Variants in ARL13B observed in about 807,000 individuals in gnomAD.
ARL13B encodes ARF like GTPase 13B, also known as ADP-ribosylation factor-like protein 13B.
Under a neutral mutation model 56.1 loss-of-function variants are expected in ARL13B, and 36 were observed. The ratio of observed to expected loss-of-function variants is 0.64; its 90% CI spans 0.49 to 0.85. The LOEUF is 0.85. Ranked by LOEUF, ARL13B falls within the 40% of genes least tolerant of loss-of-function variation. ARL13B has a pLI of 0.00. For missense variants in ARL13B, 519 were observed against 507.1 expected (o/e 1.02, Z -0.23); for synonymous variants, 178 against 171.1 (o/e 1.04, Z -0.32).
At chr3:94,028,823 T>C (rs892350161) in intron 3 of ARL13B, among the ~76,000 whole-genome samples, 1 of 152,172 alleles carries the variant, frequency 6.6e-6, no homozygotes, top group East Asian at 1.9e-4. Context: ...TTCTTTTCTA[T>C]AGATATCAAA....
chr3:94,005,508 A>G (rs976785031), intron 3 of ARL13B, among the ~76,000 whole-genome samples: 4 of 152,244 alleles, frequency 2.6e-5, no homozygotes, highest in Non-Finnish European at 5.9e-5. Flanking sequence ...TAATCAAATA[A>G]CAGCAAAATA....
intron 6 of ARL13B, among the ~76,000 whole-genome samples, chr3:94,040,905 C>A (rs2076850201): frequency 6.6e-6 from 1 of 152,050 alleles, no homozygotes; most frequent in Non-Finnish European, 1.5e-5. Context: ...GTGCTTCTCC[C>A]AGCACCGTAT....
At chr3:93,992,286 A>G (rs2075890194) in intron 1 of ARL13B, among the ~76,000 whole-genome samples, 1 of 152,090 alleles carries the variant, frequency 6.6e-6, no homozygotes, top group African/African-American at 2.4e-5. Flanking sequence ...GGATCAGGGA[A>G]TTTTTACTTT....
chr3:94,001,443 A>G (rs548417362), intron 2 of ARL13B, among the ~76,000 whole-genome samples: 1 of 152,284 alleles, frequency 6.6e-6, no homozygotes, highest in South Asian at 2.1e-4. Context: ...TGTTACAATT[A>G]TGTAGCTTTT....
At chr3:94,005,108 G>A (rs34411239) in intron 3 of ARL13B, among the ~76,000 whole-genome samples, 49,559 of 151,778 alleles carry the variant, frequency 0.33, 9,975 homozygotes, top group South Asian at 0.48. Context: ...AAATATTTAC[G>A]TGAGCATCTA....
At chr3:94,042,392 T>A (rs548102765) in intron 6 of ARL13B, among the ~76,000 whole-genome samples, 2 of 152,288 alleles carry the variant, frequency 1.3e-5, no homozygotes. Flanking sequence ...GATGATTCTG[T>A]TTTTTAAAAT....
chr3:94,027,238 T>C (rs1164439674), intron 3 of ARL13B, among the ~76,000 whole-genome samples: 1 of 152,080 alleles, frequency 6.6e-6, no homozygotes, highest in African/African-American at 2.4e-5. Flanking sequence ...AGGATCTTAT[T>C]GTAATATATT....
At chr3:94,001,291 G>A (rs1324846597) in intron 2 of ARL13B, among the ~76,000 whole-genome samples, 2 of 152,020 alleles carry the variant, frequency 1.3e-5, no homozygotes, top group Admixed American at 1.3e-4. Flanking sequence ...AAGTCCTGAA[G>A]ACCTCTGTTT....
rs1163113786 is a variant in ARL13B at position 94,054,621 on chromosome 3, T to C, written c.*1358T>C. On this transcript the variant is annotated 3_prime_UTR_variant, in exon 10 of 10. Coordinates refer to ENST00000394222, the MANE Select transcript of ARL13B (RefSeq NM_001174150.2). ...ATAACATTAAGTACATTTTATGTCG[T>C]TTAATATAATTATTTACTTTAAAAA... The C allele has an allele frequency of 2.7e-6, 1 of 376,226 alleles. No individual in the cohort carries two copies. Among genetic ancestry groups the C allele is most frequent in the South Asian group, 2.0e-5 (1 of 49,666 alleles). The allele number at this position is 376,226 out of a possible 1,614,324, so 23.3% of individuals were successfully genotyped here. A position where few individuals can be genotyped will look rare whatever the true frequency, so the allele number is the denominator to read the frequency against.
intron 3 of ARL13B, chr3:94,015,248 G>A (rs747080517): frequency 6.5e-7 from 1 of 1,549,766 alleles, no homozygotes; most frequent in South Asian, 1.2e-5. Context: ...CTCTGCTTTA[G>A]TTCTTGAAGT....
At position 94,003,639 on chromosome 3, in the gene ARL13B, T is replaced by G. The variant is rs767074854; in HGVS notation, c.131-20T>G. ...ATTAAAGTCTAAAGATTTTCTTTTT[T>G]TGTGTATCATTTGTAACAGAATACC... On this transcript the variant is annotated intron_variant, in intron 2 of 9. Transcript: ENST00000394222. The G allele has an allele frequency of 1.2e-6, 2 of 1,610,746 alleles. No homozygotes were observed. Among genetic ancestry groups the G allele is most frequent in the Non-Finnish European group, 1.7e-6 (2 of 1,178,752 alleles).
At chr3:94,009,980 G>A (rs1025643924) in intron 3 of ARL13B, among the ~76,000 whole-genome samples, 2 of 152,002 alleles carry the variant, frequency 1.3e-5, no homozygotes, top group Non-Finnish European at 2.9e-5. Context: ...GTGTTACTAC[G>A]TAGCAAGATA....
rs2076836385 is a variant in ARL13B at position 94,040,007 on chromosome 3, G to A, written c.798+19G>A. 6.2e-7 allele frequency: 1 copy of A among 1,602,002 alleles called. No homozygotes were observed. Among genetic ancestry groups the A allele is most frequent in the Non-Finnish European group, 8.5e-7 (1 of 1,170,118 alleles). On this transcript the variant is annotated intron_variant, in intron 6 of 9. Transcript: ENST00000394222. The stretch of plus-strand genomic sequence containing the variant: ...CATTGAGGTATGAATGATGGCAAAT[G>A]TAATTTTTGTATCTTAAGTTATAAG...
intron 1 of ARL13B, among the ~76,000 whole-genome samples, chr3:93,990,191 A>G (rs933733683): frequency 6.6e-6 from 1 of 151,928 alleles, no homozygotes; most frequent in Non-Finnish European, 1.5e-5. Context: ...TATTTTTAGT[A>G]GAGATGGAGT....
rs768473442 is a variant in ARL13B at position 93,980,420 on chromosome 3, C to T, written c.-4C>T. ...ATGGGAAGTGGTGGGAGGAGCGACCCGGGATGTTCAGTCTGATGGCCAGTT... is the reference window on the plus strand; with the variant it reads ...ATGGGAAGTGGTGGGAGGAGCGACCTGGGATGTTCAGTCTGATGGCCAGTT... On this transcript the variant is annotated 5_prime_UTR_variant, in exon 1 of 10. Transcript: ENST00000394222. The T allele has an allele frequency of 6.8e-6, 11 of 1,612,318 alleles. No individual in the cohort carries two copies. Among genetic ancestry groups the T allele is most frequent in the Non-Finnish European group, 9.3e-6 (11 of 1,179,972 alleles).
At chr3:93,998,351 C>T (rs1249452789) in intron 2 of ARL13B, among the ~76,000 whole-genome samples, 1 of 152,140 alleles carries the variant, frequency 6.6e-6, no homozygotes, top group Non-Finnish European at 1.5e-5. Context: ...ATGTATTCCA[C>T]CTCCATATAT....
intron 3 of ARL13B, chr3:94,014,591 T>G (rs754064475): frequency 6.2e-7 from 1 of 1,612,946 alleles, no homozygotes. Context: ...CTTAAATCCT[T>G]TATTTGGTTC....
intron 1 of ARL13B, among the ~76,000 whole-genome samples, chr3:93,983,954 G>A (rs1455905598): frequency 6.6e-6 from 1 of 152,146 alleles, no homozygotes; most frequent in Non-Finnish European, 1.5e-5. Flanking sequence ...ATAGCCTCCT[G>A]TTGACTAGAA....
intron 3 of ARL13B, among the ~76,000 whole-genome samples, chr3:94,004,191 T>G (rs1371520687): frequency 6.6e-6 from 1 of 152,220 alleles, no homozygotes; most frequent in Non-Finnish European, 1.5e-5. Context: ...TTTTGCATTT[T>G]GAAATACTCC....
Sources: allele counts gnomAD v4.1 joint callset (sites outside exome capture counted in the v4.1 genomes callset), GRCh38; gene constraint gnomAD v4.1.1; transcripts MANE v1.5; gene names NCBI Gene and HGNC (gene_info 2026-07-23, HGNC 2026-07-21).